The following SEMA6D variants were observed in gnomAD, a reference collection of about 807,000 sequenced individuals.
SEMA6D encodes semaphorin-6D.
A neutral mutation model predicts 106.6 loss-of-function variants in SEMA6D; 35 were observed. That is an observed-to-expected ratio of 0.33 (90% CI 0.25 to 0.44). The LOEUF is 0.44. Ranked by LOEUF, SEMA6D falls within the 20% of genes least tolerant of loss-of-function variation. The pLI, the probability that SEMA6D is intolerant of heterozygous loss-of-function variation, is 1.00. For missense variants in SEMA6D, 1,185 were observed against 1,345.9 expected (o/e 0.88, Z 1.87); for synonymous variants, 499 against 487.7 (o/e 1.02, Z -0.31).
At chr15:47,737,093 G>A (rs765950944) in intron 1 of SEMA6D, among the ~76,000 whole-genome samples, 15 of 152,118 alleles carry the variant, frequency 9.9e-5, no homozygotes, top group East Asian at 1.9e-4. Context: ...GAAAAAGTAG[G>A]AGGTAAGAAG....
At chr15:47,376,169 G>T (rs2039442737) in intron 1 of SEMA6D, among the ~76,000 whole-genome samples, 1 of 152,176 alleles carries the variant, frequency 6.6e-6, no homozygotes, top group Non-Finnish European at 1.5e-5. Context: ...AAGCACTTCT[G>T]GTAGCCCACC....
intron 1 of SEMA6D, among the ~76,000 whole-genome samples, chr15:47,732,461 G>T (rs2080185946): frequency 6.6e-6 from 1 of 152,070 alleles, no homozygotes; most frequent in African/African-American, 2.4e-5. Context: ...GATTTTCCCG[G>T]GCTCTCATTG....
At chr15:47,749,321 T>C (rs919381161) in intron 1 of SEMA6D, among the ~76,000 whole-genome samples, 2 of 152,096 alleles carry the variant, frequency 1.3e-5, no homozygotes, top group Non-Finnish European at 2.9e-5. Context: ...CCTCAAGTGA[T>C]CTGACCACCT....
Position 47,575,974 on chromosome 15 carries a change from G to A in SEMA6D, c.-86-24891G>A, listed in dbSNP as rs117894765. Among the ~76,000 whole-genome samples, 1,485 of 152,208 alleles carry A rather than the reference G, an allele frequency of 9.8e-3. 10 individuals are homozygous for A. The highest frequency in any genetic ancestry group is 0.021 in the Admixed American group (320 of 15,284). On this transcript the variant is annotated intron_variant, in intron 3 of 19. Transcript: ENST00000558014. Reference sequence around the variant, plus strand: ...CTGGTTTGGCTGGAAAAGGAGCCACGATAGAGAAAATTCTAGATTTACCCA... The same window carrying A: ...CTGGTTTGGCTGGAAAAGGAGCCACAATAGAGAAAATTCTAGATTTACCCA...
chr15:47,453,079 G>A (rs2042240690), intron 2 of SEMA6D, among the ~76,000 whole-genome samples: 1 of 151,906 alleles, frequency 6.6e-6, no homozygotes, highest in East Asian at 1.9e-4. Flanking sequence ...ATCACTTCCT[G>A]TTTCAAAATT....
intron 1 of SEMA6D, among the ~76,000 whole-genome samples, chr15:47,270,221 G>A (rs1161806037): frequency 6.7e-6 from 1 of 148,700 alleles, no homozygotes; most frequent in Non-Finnish European, 1.5e-5. Context: ...ATGTATATAT[G>A]TATTTGATTT....
chr15:47,325,861 A>G (rs1473382477), intron 1 of SEMA6D, among the ~76,000 whole-genome samples: 1 of 152,214 alleles, frequency 6.6e-6, no homozygotes, highest in Non-Finnish European at 1.5e-5. Flanking sequence ...AATAAAATTT[A>G]AATGCTCATA....
chr15:47,349,920 G>A (rs2038248064), intron 1 of SEMA6D, among the ~76,000 whole-genome samples: 1 of 152,136 alleles, frequency 6.6e-6, no homozygotes, highest in South Asian at 2.1e-4. Flanking sequence ...AACAACAACA[G>A]CAACAACACA....
chr15:47,335,325 A>G (rs2037509676), intron 1 of SEMA6D, among the ~76,000 whole-genome samples: 1 of 152,202 alleles, frequency 6.6e-6, no homozygotes, highest in African/African-American at 2.4e-5. Context: ...CACATCTGTG[A>G]ACAATCACAG....
intron 3 of SEMA6D, among the ~76,000 whole-genome samples, chr15:47,530,151 G>T (rs950365733): frequency 8.5e-5 from 13 of 152,172 alleles, no homozygotes; most frequent in African/African-American, 3.1e-4. Context: ...CTCAGGCCCC[G>T]ACTCACATGG....
At chr15:47,472,214 A>G (rs112447072) in intron 3 of SEMA6D, among the ~76,000 whole-genome samples, 2,366 of 152,304 alleles carry the variant, frequency 0.016, 45 homozygotes, top group African/African-American at 0.036. Context: ...AGACACTAGC[A>G]TGGGCTCTAA....
At chr15:47,420,536 G>A (rs2041119552) in intron 2 of SEMA6D, among the ~76,000 whole-genome samples, 3 of 152,046 alleles carry the variant, frequency 2.0e-5, no homozygotes, top group Admixed American at 2.0e-4. Flanking sequence ...TCTATTTTGT[G>A]CATTCTGAGC....
chr15:47,389,328 CTT>C, intron 1 of SEMA6D, among the ~76,000 whole-genome samples: 1 of 152,184 alleles, frequency 6.6e-6, no homozygotes, highest in African/African-American at 2.4e-5. Context: ...CTTAAGGAGA[CTT>C]TGACATTTCA....
intron 3 of SEMA6D, among the ~76,000 whole-genome samples, chr15:47,496,619 C>T (rs1011717490): frequency 1.4e-4 from 21 of 152,168 alleles, no homozygotes; most frequent in African/African-American, 5.1e-4. Flanking sequence ...ACAGCGTCAC[C>T]TAAATCTGAT....
intron 1 of SEMA6D, among the ~76,000 whole-genome samples, chr15:47,402,494 T>C (rs2040430240): frequency 6.6e-6 from 1 of 152,198 alleles, no homozygotes; most frequent in Admixed American, 6.5e-5. Flanking sequence ...GTAATAGGGC[T>C]AGCAGTCTTC....
chr15:47,548,705 A>G (rs532837248), intron 3 of SEMA6D, among the ~76,000 whole-genome samples: 1 of 152,304 alleles, frequency 6.6e-6, no homozygotes, highest in East Asian at 1.9e-4. Context: ...AGAAAAATAC[A>G]CACAGATGTG....
chr15:47,432,828 T>C (rs925180180), intron 2 of SEMA6D, among the ~76,000 whole-genome samples: 1 of 152,132 alleles, frequency 6.6e-6, no homozygotes, highest in Non-Finnish European at 1.5e-5. Flanking sequence ...AATGATTAAA[T>C]GTATGTCATT....
At chr15:47,329,542 G>A (rs1339507668) in intron 1 of SEMA6D, among the ~76,000 whole-genome samples, 1 of 152,146 alleles carries the variant, frequency 6.6e-6, no homozygotes, top group Non-Finnish European at 1.5e-5. Context: ...GTAAATCATT[G>A]GGATTTACTT....
intron 4 of SEMA6D, among the ~76,000 whole-genome samples, chr15:47,666,159 A>G (rs2078022709): frequency 6.6e-6 from 1 of 152,228 alleles, no homozygotes; most frequent in Non-Finnish European, 1.5e-5. Flanking sequence ...ATCTCAACCT[A>G]CAAAAATGTT....
Sources: allele counts gnomAD v4.1 joint callset (sites outside exome capture counted in the v4.1 genomes callset), GRCh38; gene constraint gnomAD v4.1.1; transcripts MANE v1.5; gene names NCBI Gene and HGNC (gene_info 2026-07-23, HGNC 2026-07-21).